The following SVEP1 variants were observed in gnomAD, a reference collection of about 807,000 sequenced individuals.
SVEP1 encodes the protein sushi, von Willebrand factor type A, EGF and pentraxin domain containing 1.
Under a neutral mutation model 367.3 loss-of-function variants are expected in SVEP1, and 164 were observed. That is an observed-to-expected ratio of 0.45 (90% CI 0.39 to 0.51). SVEP1 has a LOEUF of 0.51. Among genes scored for constraint, SVEP1 ranks in the 20% least tolerant of loss-of-function variants. The pLI is 0.00. For missense variants in SVEP1, 4,117 were observed against 4,425.3 expected, an observed-to-expected ratio of 0.93 and a Z score of 1.98; for synonymous variants, 1,666 against 1,611.6, an observed-to-expected ratio of 1.03 and a Z score of -0.81.
intron 5 of SVEP1, among the ~76,000 whole-genome samples, chr9:110,507,309 A>G (rs1829640337): frequency 6.6e-6 from 1 of 152,210 alleles, no homozygotes; most frequent in Admixed American, 6.5e-5. Context: ...CCAATTGTTC[A>G]TACCATGCAT....
rs1337265697 is a variant in SVEP1 at position 110,411,123 on chromosome 9, T to C, written c.6588A>G (p.Ile2196Met). 6.2e-7 allele frequency: 1 copy of C among 1,613,440 alleles called. No individual in the cohort carries two copies. Among genetic ancestry groups the C allele is most frequent in the South Asian group, 1.1e-5 (1 of 90,898 alleles). The change falls in exon 37 of 48, where the codon ATA (isoleucine) becomes ATG (methionine). Residue 2196 changes from isoleucine (I) to methionine (M), a missense_variant. Around this residue, in one of 4 missense-constraint regions of SVEP1, gnomAD observed 1,765 missense variants for 1,781.1 expected, o/e 0.99. Coordinates refer to ENST00000374469, the MANE Select transcript of SVEP1 (RefSeq NM_153366.4). ...CACAAGATACCGGGTGGCACGTCGG[T>C]ATAGGACTACTCCACTGCCCTGTGG... ...CEATGQWSSP[I>M]PTCHPVSCGE...
At position 110,408,831 on chromosome 9, in the gene SVEP1, G is replaced by T. The variant is rs778615826; in HGVS notation, c.6769C>A (p.Leu2257Met). 2 of 1,613,398 alleles carry T rather than the reference G, an allele frequency of 1.2e-6. No individual in the cohort carries two copies. The highest frequency in any genetic ancestry group is 2.2e-5 in the South Asian group (2 of 91,070). ...ANRHWHSESP[L>M]MCVPLDCGKP... The stretch of plus-strand genomic sequence containing the variant: ...CCACAGTCGAGAGGAACACACATCA[G>T]AGGGGATTCACTGTGCCAGTGGCGA... Residue 2257 changes from leucine to methionine, a missense_variant, in exon 38 of 48, where the codon CTG (leucine) becomes ATG (methionine). Transcript: ENST00000374469.
intron 8 of SVEP1, among the ~76,000 whole-genome samples, chr9:110,491,637 G>A (rs755519003): frequency 2.1e-5 from 3 of 144,448 alleles, no homozygotes; most frequent in Non-Finnish European, 4.5e-5. Flanking sequence ...CTGTATCTTG[G>A]TAGTCAAATA....
At chr9:110,571,977 C>T (rs1053330393) in intron 1 of SVEP1, among the ~76,000 whole-genome samples, 1 of 152,222 alleles carries the variant, frequency 6.6e-6, no homozygotes, top group Non-Finnish European at 1.5e-5. Context: ...GAATATTTTA[C>T]AGCCATCGTT....
Position 110,457,243 on chromosome 9 carries a change from C to T in SVEP1, c.3673+13G>A, listed in dbSNP as rs1378758512. The T allele has an allele frequency of 6.4e-7, 1 of 1,571,486 alleles. No homozygotes were observed. The highest frequency in any genetic ancestry group is 8.6e-7 in the Non-Finnish European group (1 of 1,160,364). ...AAAATATATTAAAATCTACATTCCT[C>T]TTGGTTATTTACCTGTATATCCAAG... On this transcript the variant is annotated intron_variant, in intron 21 of 47. Transcript: ENST00000374469.
At chr9:110,563,193 A>G (rs551176546) in intron 1 of SVEP1, among the ~76,000 whole-genome samples, 31 of 152,342 alleles carry the variant, frequency 2.0e-4, no homozygotes, top group African/African-American at 7.2e-4. Context: ...ATGAAAAAAT[A>G]TACTTGAAAG....
intron 17 of SVEP1, among the ~76,000 whole-genome samples, chr9:110,467,882 T>C (rs977708473): frequency 1.3e-5 from 2 of 152,146 alleles, no homozygotes; most frequent in Non-Finnish European, 2.9e-5. Context: ...ACAAACTGCC[T>C]GCCTCAGCCT....
At chr9:110,432,975 C>T (rs1828374336) in intron 30 of SVEP1, among the ~76,000 whole-genome samples, 1 of 152,138 alleles carries the variant, frequency 6.6e-6, no homozygotes, top group Non-Finnish European at 1.5e-5. Flanking sequence ...GGGCAGATCC[C>T]TCATGGCTTG....
chr9:110,443,582 G>A lies in SVEP1; in HGVS notation c.4602C>T (p.Asp1534=), dbSNP rs558893038. The change falls in exon 27 of 48, where the codon GAC becomes GAT. Residue 1534 remains aspartate, a synonymous_variant. Coordinates refer to ENST00000374469, the MANE Select transcript of SVEP1 (RefSeq NM_153366.4). The part of the protein sequence containing the change: ...WKVYIDGKLS[D]GGAGLSVGLP... ...AACCAACAGAGAGGCCAGCACCACC[G>A]TCAGATAATTTCCCATCGATATAGA... is the stretch of plus-strand genomic sequence containing the variant. 1.5e-5 allele frequency: 24 copies of A among 1,611,992 alleles called. No homozygotes were observed. Among genetic ancestry groups the A allele is most frequent in the Middle Eastern group, 1.7e-4 (1 of 6,058 alleles).
intron 17 of SVEP1, among the ~76,000 whole-genome samples, chr9:110,466,477 G>A (rs1486686115): frequency 2.6e-5 from 4 of 152,008 alleles, no homozygotes; most frequent in African/African-American, 9.7e-5. Flanking sequence ...AAGAACTGGC[G>A]GCCGGGCACG....
At chr9:110,574,187 T>C (rs1194615285) in intron 1 of SVEP1, among the ~76,000 whole-genome samples, 1 of 152,260 alleles carries the variant, frequency 6.6e-6, no homozygotes, top group Non-Finnish European at 1.5e-5. Context: ...TCGCGGTTTT[T>C]ATACAAGAGG....
At chr9:110,484,761 A>T (rs2118711968) in intron 9 of SVEP1, among the ~76,000 whole-genome samples, 1 of 152,308 alleles carries the variant, frequency 6.6e-6, no homozygotes, top group African/African-American at 2.4e-5. Flanking sequence ...AAACCATTAA[A>T]AAGTGGGCAA....
At chr9:110,494,614 G>T (rs1025050501) in intron 8 of SVEP1, among the ~76,000 whole-genome samples, 1 of 152,000 alleles carries the variant, frequency 6.6e-6, no homozygotes, top group Non-Finnish European at 1.5e-5. Context: ...TCTTTTTTTG[G>T]AAATTTTCTG....
rs771181547 is a variant in SVEP1, at chr9:110,411,600, C to T, written c.6111G>A (p.Arg2037=). ...AGTAGAATGCAATGTCTCCAAAGAG[C>T]CGATGGGCAGTCTCTGGAGAGGCGT... ...VDHASPETAH[R]LFGDIAFYYC... Residue 2037 remains arginine (R), a synonymous_variant, in exon 37 of 48, where the codon CGG becomes CGA. Coordinates refer to ENST00000374469, the MANE Select transcript of SVEP1 (RefSeq NM_153366.4). The T allele has an allele frequency of 6.2e-7, 1 of 1,613,788 alleles. No homozygotes were observed. Among genetic ancestry groups the T allele is most frequent in the Admixed American group, 1.7e-5 (1 of 59,970 alleles).
intron 3 of SVEP1, among the ~76,000 whole-genome samples, chr9:110,519,782 AAGG>A (rs1829854487): frequency 6.6e-6 from 1 of 152,170 alleles, no homozygotes; most frequent in Non-Finnish European, 1.5e-5. Context: ...GAATGAAGTG[AAGG>A]GACAGTAGAC....
intron 40 of SVEP1, among the ~76,000 whole-genome samples, chr9:110,390,118 CAT>C (rs1453573469): frequency 6.3e-5 from 6 of 95,968 alleles, no homozygotes; most frequent in Non-Finnish European, 9.0e-5. Context: ...AGTATATATA[CAT>C]ACATACTTAT....
At chr9:110,440,482 C>G (rs563922505) in intron 27 of SVEP1, among the ~76,000 whole-genome samples, 2 of 152,126 alleles carry the variant, frequency 1.3e-5, no homozygotes, top group Non-Finnish European at 2.9e-5. Context: ...TGGACTTAGA[C>G]AGATGAAAAA....
chr9:110,573,120 C>A (rs1316515101), intron 1 of SVEP1, among the ~76,000 whole-genome samples: 1 of 151,970 alleles, frequency 6.6e-6, no homozygotes, highest in Non-Finnish European at 1.5e-5. Flanking sequence ...TTAAAACTAC[C>A]CTCTGAGTGT....
intron 46 of SVEP1, among the ~76,000 whole-genome samples, chr9:110,373,349 C>A (rs1827304383): frequency 6.6e-6 from 1 of 152,160 alleles, no homozygotes; most frequent in African/African-American, 2.4e-5. Flanking sequence ...GTGACGACTG[C>A]ACATCTGCTT....
Sources: allele counts gnomAD v4.1 joint callset (sites outside exome capture counted in the v4.1 genomes callset), GRCh38; gene constraint gnomAD v4.1.1; regional missense constraint gnomAD v4.1.1; transcripts MANE v1.5; gene names NCBI Gene and HGNC (gene_info 2026-07-23, HGNC 2026-07-21).